PJA2: variants seen among roughly 807,000 people sequenced by gnomAD.
PJA2 encodes praja ring finger ubiquitin ligase 2.
A neutral mutation model predicts 69.3 loss-of-function variants in PJA2; 25 were observed. The observed-to-expected ratio is 0.36, with a 90% CI of 0.26 to 0.50. The LOEUF is 0.50. Among genes scored for constraint, PJA2 ranks in the 20% least tolerant of loss-of-function variants. PJA2 has a pLI of 0.96. For missense variants in PJA2, 809 were observed against 830.2 expected (o/e 0.97, Z 0.31); for synonymous variants, 308 against 277.8 (o/e 1.11, Z -1.08).
chr5:109,367,183 G>GAT (rs1171990949), intron 5 of PJA2, among the ~76,000 whole-genome samples: 5 of 146,534 alleles, frequency 3.4e-5, no homozygotes, highest in African/African-American at 7.5e-5. Context: ...GTATATTTAT[G>GAT]ATATATATAT....
At chr5:109,342,049 T>TGG (rs1409404661) in intron 9 of PJA2, among the ~76,000 whole-genome samples, 4 of 101,014 alleles carry the variant, frequency 4.0e-5, no homozygotes, top group Admixed American at 2.8e-4. Flanking sequence ...GGGAGGGAGG[T>TGG]GGGGGGGTCA....
chr5:109,356,770 GTCT>G (rs1762419215), intron 6 of PJA2, among the ~76,000 whole-genome samples: 1 of 151,738 alleles, frequency 6.6e-6, no homozygotes, highest in South Asian at 2.1e-4. Flanking sequence ...TCATTAATCT[GTCT>G]TCTTCTAAGA....
At chr5:109,350,581 A>G (rs1258148972) in intron 7 of PJA2, among the ~76,000 whole-genome samples, 1 of 152,232 alleles carries the variant, frequency 6.6e-6, no homozygotes, top group South Asian at 2.1e-4. Flanking sequence ...TGAATATACT[A>G]TTTACTGAGA....
intron 4 of PJA2, 93 bp downstream of exon 4, chr5:109,378,111 A>G (rs930768403): frequency 1.2e-6 from 1 of 868,610 alleles, no homozygotes; most frequent in African/African-American, 1.7e-5. Flanking sequence ...TAATTCCCTG[A>G]TCATATCAAA....
intron 5 of PJA2, among the ~76,000 whole-genome samples, chr5:109,365,101 C>T (rs1458929112): frequency 6.6e-6 from 1 of 152,190 alleles, no homozygotes; most frequent in Admixed American, 6.5e-5. Context: ...TAGGTTTATG[C>T]ACACTCACTG....
At chr5:109,366,269 A>C (rs1338849868) in intron 5 of PJA2, among the ~76,000 whole-genome samples, 1 of 152,246 alleles carries the variant, frequency 6.6e-6, no homozygotes, top group Non-Finnish European at 1.5e-5. Context: ...AGAGAAAATA[A>C]ATATGTAATC....
chr5:109,390,856 T>C (rs1747265855), intron 1 of PJA2: 1 of 152,132 alleles, frequency 6.6e-6, no homozygotes, highest in African/African-American at 2.4e-5. Flanking sequence ...TAAGTTTTCT[T>C]TTGGCAGGCA....
At chr5:109,391,828 C>A (rs1747288866) in intron 1 of PJA2, among the ~76,000 whole-genome samples, 1 of 151,904 alleles carries the variant, frequency 6.6e-6, no homozygotes, top group African/African-American at 2.4e-5. Flanking sequence ...AGCAAGAAAA[C>A]TAAATTTATT....
At chr5:109,365,969 G>C (rs1476493900) in intron 5 of PJA2, among the ~76,000 whole-genome samples, 3 of 152,082 alleles carry the variant, frequency 2.0e-5, no homozygotes, top group African/African-American at 4.8e-5. Flanking sequence ...AGCTCTATTG[G>C]TGTCTATCTA....
intron 7 of PJA2, among the ~76,000 whole-genome samples, chr5:109,354,637 GAT>G (rs146773633): frequency 0.027 from 3,813 of 142,410 alleles, 90 homozygotes; most frequent in Non-Finnish European, 0.04. Flanking sequence ...AGATATATTA[GAT>G]ATATGTTATA....
At chr5:109,371,112 T>A (rs1052129894) in intron 4 of PJA2, among the ~76,000 whole-genome samples, 1 of 152,172 alleles carries the variant, frequency 6.6e-6, no homozygotes, top group Admixed American at 6.5e-5. Context: ...TTTTGCCTCT[T>A]AGTCACCAAA....
At chr5:109,344,619 T>C (rs1762143341) in intron 8 of PJA2, 86 bp downstream of exon 8, 2 of 897,446 alleles carry the variant, frequency 2.2e-6, no homozygotes, top group Admixed American at 5.1e-5. Flanking sequence ...TTTCTAATAA[T>C]CAAGTATTTA....
chr5:109,355,294 G>C lies in PJA2; in HGVS notation c.1764+621C>G, dbSNP rs905661968. 4.6e-5 allele frequency among the ~76,000 whole-genome samples: 7 copies of C among 152,268 alleles called. No individual in the cohort carries two copies. The South Asian group carries it at 1.4e-3, about 32-fold the overall frequency. On this transcript the variant is annotated intron_variant, in intron 7 of 9. Transcript: ENST00000361189. ...GAAATCACTTTGGAAATAGTGATTT[G>C]AAAGGACTTCTTTTAATGAAATCCA...
At chr5:109,407,097 G>A (rs1747712165) in intron 1 of PJA2, among the ~76,000 whole-genome samples, 1 of 152,198 alleles carries the variant, frequency 6.6e-6, no homozygotes, top group African/African-American at 2.4e-5. Flanking sequence ...TATCTTAATT[G>A]TGGTATGAAA....
intron 7 of PJA2, among the ~76,000 whole-genome samples, chr5:109,345,205 A>C (rs1762153530): frequency 6.8e-6 from 1 of 147,966 alleles, no homozygotes; most frequent in African/African-American, 2.5e-5. Context: ...AAAAAAACAA[A>C]ATTAGCAGGG....
intron 6 of PJA2, among the ~76,000 whole-genome samples, chr5:109,360,116 A>G (rs1240999457): frequency 6.6e-6 from 1 of 152,212 alleles, no homozygotes; most frequent in African/African-American, 2.4e-5. Context: ...AATTATATCA[A>G]AATTATTTTT....
intron 1 of PJA2, among the ~76,000 whole-genome samples, chr5:109,392,517 C>G (rs1238284174): frequency 1.3e-5 from 2 of 150,472 alleles, no homozygotes; most frequent in African/African-American, 4.9e-5. Flanking sequence ...GCCAAGACTG[C>G]CCCAATGCAC....
chr5:109,370,625 G>T (rs1275779739), intron 4 of PJA2, among the ~76,000 whole-genome samples: 1 of 152,070 alleles, frequency 6.6e-6, no homozygotes, highest in African/African-American at 2.4e-5. Flanking sequence ...GTGACCCAAA[G>T]AATAATCTAA....
chr5:109,388,011 T>C (rs1747198201), intron 1 of PJA2, among the ~76,000 whole-genome samples: 1 of 152,192 alleles, frequency 6.6e-6, no homozygotes, highest in Non-Finnish European at 1.5e-5. Flanking sequence ...CAAACTTCAT[T>C]TAGGCAAGTT....
Sources: gnomAD v4.1 joint callset for allele counts (sites outside exome capture counted in the v4.1 genomes callset) on GRCh38, gnomAD v4.1.1 for gene constraint, MANE v1.5 for transcripts, NCBI Gene and HGNC (gene_info 2026-07-23, HGNC 2026-07-21) for gene names.